NFATC4: variants seen among roughly 807,000 people sequenced by gnomAD.
NFATC4 encodes nuclear factor of activated T-cells, cytoplasmic 4.
NFATC4 carries 25 observed loss-of-function variants against 73.4 expected under a neutral mutation model. The ratio of observed to expected loss-of-function variants is 0.34; its 90% CI spans 0.25 to 0.48. The LOEUF is 0.48. Ranked by LOEUF, NFATC4 falls within the 20% of genes least tolerant of loss-of-function variation. NFATC4 has a pLI of 0.99. For synonymous variants in NFATC4, 523 were observed against 510.3 expected, an observed-to-expected ratio of 1.02 and a Z score of -0.34; for missense variants, 1,130 against 1,203.7, an observed-to-expected ratio of 0.94 and a Z score of 0.91.
chr14:24,369,084 G>T, intron 1 of NFATC4: 1 of 1,402,396 alleles, frequency 7.1e-7, no homozygotes, highest in Non-Finnish European at 9.3e-7. Flanking sequence ...CTCTGGCCAC[G>T]GTTGCGATGG....
At position 24,379,015 on chromosome 14, in the gene NFATC4, G is replaced by C. The variant is rs1296350229; in HGVS notation, c.*1310G>C. On this transcript the variant is annotated 3_prime_UTR_variant, in exon 10 of 10. Transcript: ENST00000250373. ...GGGGGACGTGCCTAAAAGACATTCC[G>C]GGCATTTGCACTTGGGAAACTTGCC... 1 of 152,274 alleles carries C rather than the reference G, an allele frequency of 6.6e-6. No homozygotes were observed. Among genetic ancestry groups the C allele is most frequent in the Non-Finnish European group, 1.5e-5 (1 of 68,136 alleles). 9.4% of individuals were successfully genotyped at this position (152,274 alleles called of 1,614,324 possible).
upstream of NFATC4, chr14:24,366,925 T>C (rs2042325485): frequency 6.5e-7 from 1 of 1,529,712 alleles, no homozygotes; most frequent in Admixed American, 2.1e-5. Flanking sequence ...ACGTCTGACC[T>C]GGGGCCGTCG....
chr14:24,370,587 A>G lies in NFATC4; in HGVS notation c.1189A>G (p.Ile397Val). Residue 397 changes from isoleucine to valine, a missense_variant, in exon 2 of 10, where the codon ATC becomes GTC. By Grantham distance (29) the Ile-to-Val change is conservative. This residue lies in a region of NFATC4 where 585 missense variants were observed against 574.3 expected (regional missense o/e 1.02). Transcript: ENST00000250373. ...SKARIGGHSP[I>V]FRTSALPPLD... ...GGCCCGGATTGGGGGACACAGCCCT[A>G]TCTTCAGGTGAGGGTTGCGCCTGGC... 6.2e-7 allele frequency: 1 copy of G among 1,606,664 alleles called. No homozygotes were observed. Among genetic ancestry groups the G allele is most frequent in the East Asian group, 2.2e-5 (1 of 44,682 alleles).
At chr14:24,379,602 C>T (rs966038533), downstream of NFATC4, 1 of 152,158 alleles carries the variant, frequency 6.6e-6, no homozygotes. Flanking sequence ...TACAATTCAA[C>T]AATTCAAACT....
intron 2 of NFATC4, 175 bp from the exon 3 acceptor site, chr14:24,372,266 T>C: frequency 4.4e-6 from 3 of 676,138 alleles, no homozygotes; most frequent in Non-Finnish European, 7.2e-6. Flanking sequence ...TTGTCCTTTT[T>C]TTAGTTTAAA....
At position 24,374,426 on chromosome 14, in the gene NFATC4, C is replaced by T. The variant is rs1184975027; in HGVS notation, c.1833C>T (p.Phe611=). The stretch of plus-strand genomic sequence containing the variant: ...AACTGGTACTGACTGGCTCCAACTT[C>T]CTGCCAGACTCCAAGGTGGTGTTCA... ...GEELVLTGSN[F]LPDSKVVFIE... Residue 611 remains phenylalanine (F), a synonymous_variant, in exon 6 of 10, where the codon TTC becomes TTT. Coordinates refer to ENST00000250373, the MANE Select transcript of NFATC4 (RefSeq NM_004554.5). 10 of 1,613,924 alleles carry T rather than the reference C, an allele frequency of 6.2e-6. No homozygotes were observed. The highest frequency in any genetic ancestry group is 1.3e-5 in the African/African-American group (1 of 74,938).
chr14:24,371,818 G>T lies in NFATC4; in HGVS notation c.1197-623G>T, dbSNP rs189501990. 1,055 of 152,212 alleles carry T rather than the reference G, an allele frequency of 6.9e-3. 7 individuals are homozygous for T. Among genetic ancestry groups the T allele is most frequent in the Non-Finnish European group, 0.01 (704 of 68,136 alleles). The allele number at this position is 152,212 out of a possible 1,614,324, so 9.4% of individuals were successfully genotyped here. A position where few individuals can be genotyped will look rare whatever the true frequency, so the allele number is the denominator to read the frequency against. ...CCTCCTGCCTCAGCAGGAGTAGCTGGGACTACAGGAGCACCAACTCGCCCA... is the reference window on the plus strand; with the variant it reads ...CCTCCTGCCTCAGCAGGAGTAGCTGTGACTACAGGAGCACCAACTCGCCCA... On this transcript the variant is annotated intron_variant, in intron 2 of 9. Coordinates refer to ENST00000250373, the MANE Select transcript of NFATC4 (RefSeq NM_004554.5).
chr14:24,370,392 C>CA lies in NFATC4; in HGVS notation c.994_995insA (p.Arg332GlnfsTer14). 1 of 1,613,990 alleles carries CA rather than the reference C, an allele frequency of 6.2e-7. No individual in the cohort carries two copies. The highest frequency in any genetic ancestry group is 1.1e-5 in the South Asian group (1 of 91,090). On this transcript the variant is annotated frameshift_variant, in exon 2 of 10. Coordinates refer to ENST00000250373, the MANE Select transcript of NFATC4 (RefSeq NM_004554.5). LOFTEE classifies it high-confidence loss of function. ...TGAGAGCATCCCTCAGAAGACACGG[C>CA]GGACTTCCAGCGAGCAGGCAGTGGC...
intron 7 of NFATC4, 30 bp downstream of exon 7, chr14:24,375,745 GGGCGGGGGTGGGAGAA>G: frequency 6.6e-7 from 1 of 1,523,900 alleles, no homozygotes; most frequent in Non-Finnish European, 8.9e-7. Flanking sequence ...ACCTCCTGGG[GGGCGGGGGTGGGAGAA>G]GGCAGGGGAT....
At chr14:24,374,573 T>A in intron 6 of NFATC4, 107 bp downstream of exon 6, 2 of 1,156,942 alleles carry the variant, frequency 1.7e-6, no homozygotes, top group Non-Finnish European at 2.4e-6. Context: ...TCAGTTTTTT[T>A]ATTTGTAAAA....
In NFATC4 at chr14:24,377,943, CT is replaced by C. The variant is rs1228004513; in HGVS notation, c.*239del. ...TGTGGAGGAGGGAGGAGGGTGAAGA[CT>C]GAGGCTAGGTGCCAGAATGGACTGG... On this transcript the variant is annotated 3_prime_UTR_variant, in exon 10 of 10. Coordinates refer to ENST00000250373, the MANE Select transcript of NFATC4 (RefSeq NM_004554.5). This position sits in a 1 kb window ranked among gnomAD's most constrained non-coding sequence, Gnocchi z 4.2. The C allele has an allele frequency of 1.3e-6, 1 of 793,316 alleles. No homozygotes were observed. Among genetic ancestry groups the C allele is most frequent in the African/African-American group, 1.7e-5 (1 of 57,520 alleles). 49.1% of individuals were successfully genotyped at this position (793,316 alleles called of 1,614,324 possible).
In NFATC4 at chr14:24,375,721, A is replaced by G. The variant is rs1163783864; in HGVS notation, c.1929+6A>G. ...ACCGACTGCAGAGCAACGAGGTACC[A>G]GTGTCACTTGGATACCTCCTGGGGG... On this transcript the variant is annotated splice_donor_region_variant and intron_variant, in intron 7 of 9. Coordinates refer to ENST00000250373, the MANE Select transcript of NFATC4 (RefSeq NM_004554.5). The G allele has an allele frequency of 2.5e-5, 15 of 592,714 alleles. No homozygotes were observed. The highest frequency in any genetic ancestry group is 1.4e-4 in the African/African-American group (6 of 42,644). 36.7% of individuals were successfully genotyped at this position (592,714 alleles called of 1,614,324 possible). A position where few individuals can be genotyped will look rare whatever the true frequency, so the allele number is the denominator to read the frequency against.
chr14:24,374,256 G>T, intron 5 of NFATC4, 70 bp from the exon 6 acceptor site: 1 of 1,541,152 alleles, frequency 6.5e-7, no homozygotes, highest in East Asian at 2.3e-5. Context: ...TTCCCAAAGA[G>T]GGTGGGGACA....
upstream of NFATC4, chr14:24,367,065 C>G: frequency 6.2e-7 from 1 of 1,613,818 alleles, no homozygotes; most frequent in Non-Finnish European, 8.5e-7. Flanking sequence ...ATGATAACCA[C>G]CCTCCCATCT....
upstream of NFATC4, chr14:24,367,423 C>A: frequency 6.5e-7 from 1 of 1,535,652 alleles, no homozygotes. Flanking sequence ...AATTCACGGC[C>A]CCTCTGGGTG....
At chr14:24,370,652 G>A in intron 2 of NFATC4, 58 bp downstream of exon 2, 1 of 1,551,072 alleles carries the variant, frequency 6.4e-7, no homozygotes, top group Admixed American at 1.8e-5. Context: ...GGGAGCAGGA[G>A]GGTCAAGGGA....
chr14:24,369,959 C>G lies in NFATC4; in HGVS notation c.561C>G (p.Asp187Glu), dbSNP rs2228233. Residue 187 changes from aspartate to glutamate, a missense_variant, in exon 2 of 10, where the codon GAC becomes GAG. Asp to Glu is a conservative substitution (Grantham distance 45, BLOSUM62 2). Transcript: ENST00000250373. ...GGAGCTTCTTCTCCGATGCCTCTGACGAGGCAGCCCTGTATGCAGCCTGCG... is the reference window on the plus strand; with the variant it reads ...GGAGCTTCTTCTCCGATGCCTCTGAGGAGGCAGCCCTGTATGCAGCCTGCG... ...SSWSFFSDAS[D>E]EAALYAACDE... The G allele has an allele frequency of 1.2e-6, 2 of 1,612,702 alleles. No homozygotes were observed. Among genetic ancestry groups the G allele is most frequent in the East Asian group, 2.2e-5 (1 of 44,844 alleles).
In NFATC4 at chr14:24,372,478, A is replaced by G; in HGVS notation, c.1234A>G (p.Ser412Gly). ...ACCCCCACTGGACTGGCCTCTGCCC[A>G]GCCAATATGAGCAGCTGGAGCTGAG... ...ALPPLDWPLP[S>G]QYEQLELRIE... The change falls in exon 3 of 10, where the codon AGC (serine) becomes GGC (glycine). Residue 412 changes from serine to glycine, a missense_variant. This residue lies in a region of NFATC4 where 585 missense variants were observed against 574.3 expected (regional missense o/e 1.02). Transcript: ENST00000250373. The G allele has an allele frequency of 6.2e-7, 1 of 1,613,878 alleles. No homozygotes were observed. Among genetic ancestry groups the G allele is most frequent in the Non-Finnish European group, 8.5e-7 (1 of 1,180,002 alleles).
rs539766425 is a variant in NFATC4, at chr14:24,369,312, C to A, written c.101-187C>A. 3.8e-6 allele frequency: 6 copies of A among 1,583,220 alleles called. No individual in the cohort carries two copies. The Admixed American group carries it at 8.8e-5, about 23-fold the overall frequency. On this transcript the variant is annotated intron_variant, in intron 1 of 9. Transcript: ENST00000250373. ...CAGGGGCCAGTGGGCAAAGGCCTGGCATGCCTGCTTCAATCTCCTCCATCT... is the reference window on the plus strand; with the variant it reads ...CAGGGGCCAGTGGGCAAAGGCCTGGAATGCCTGCTTCAATCTCCTCCATCT...
Sources: gnomAD v4.1 joint callset for allele counts on GRCh38, gnomAD v4.1.1 for gene constraint, gnomAD v4.1.1 regional missense constraint, Gnocchi (gnomAD v3.1) non-coding constraint, MANE v1.5 for transcripts, NCBI Gene and HGNC (gene_info 2026-07-23, HGNC 2026-07-21) for gene names.